The following VPS35L variants were observed in gnomAD, a reference collection of about 807,000 sequenced individuals.
VPS35L encodes the protein VPS35 endosomal protein-sorting factor-like.
A neutral mutation model predicts 133.0 loss-of-function variants in VPS35L; 83 were observed. The observed-to-expected ratio is 0.62, with a 90% confidence interval of 0.52 to 0.75. The LOEUF is 0.75. Among genes scored for constraint, VPS35L ranks in the 30% least tolerant of loss-of-function variants. VPS35L has a pLI of 0.00. For missense variants in VPS35L, 1,083 were observed against 1,206.8 expected (o/e 0.90, Z 1.52); for synonymous variants, 423 against 449.9 (o/e 0.94, Z 0.76).
At chr16:19,682,818 C>T (rs1400332765) in intron 28 of VPS35L, among the ~76,000 whole-genome samples, 1 of 152,192 alleles carries the variant, frequency 6.6e-6, no homozygotes, top group Admixed American at 6.5e-5. Context: ...GCCAAGATGG[C>T]ACCACTGTAC....
At chr16:19,657,401 T>C (rs1054024608) in intron 26 of VPS35L, among the ~76,000 whole-genome samples, 1 of 152,208 alleles carries the variant, frequency 6.6e-6, no homozygotes, top group African/African-American at 2.4e-5. Context: ...GTCATGTCTT[T>C]AGAAAAACCA....
intron 26 of VPS35L, among the ~76,000 whole-genome samples, chr16:19,658,623 C>A (rs28582219): frequency 2.0e-5 from 3 of 151,694 alleles, no homozygotes; most frequent in African/African-American, 4.8e-5. Context: ...AGCTCATGCA[C>A]TATGGACATA....
intron 26 of VPS35L, among the ~76,000 whole-genome samples, chr16:19,659,044 T>C (rs1974397576): frequency 6.6e-6 from 1 of 152,208 alleles, no homozygotes; most frequent in Non-Finnish European, 1.5e-5. Flanking sequence ...TTCTATATCA[T>C]AACATAGGGT....
Position 19,627,723 on chromosome 16 carries a change from C to T in VPS35L, c.1301C>T (p.Ala434Val). 1 of 1,613,956 alleles carries T rather than the reference C, an allele frequency of 6.2e-7. No individual in the cohort carries two copies. Among genetic ancestry groups the T allele is most frequent in the South Asian group, 1.1e-5 (1 of 91,078 alleles). ...NALLLNSVMS[A>V]FRAEFIATRS... ...TTGCTGTTGAATTCTGTGATGTCTG[C>T]CTTCCGGGCTGAGTTCATCGCCACA... Residue 434 changes from alanine to valine, a missense_variant, in exon 16 of 31, where the codon GCC (alanine) becomes GTC (valine). Coordinates refer to ENST00000417362, the MANE Select transcript of VPS35L (RefSeq NM_020314.7).
chr16:19,619,395 ATTGT>A (rs1274421474), intron 14 of VPS35L, among the ~76,000 whole-genome samples: 4 of 152,268 alleles, frequency 2.6e-5, no homozygotes, highest in East Asian at 1.9e-4. Flanking sequence ...TAAAGGAAAG[ATTGT>A]TTGAAGTTTT....
chr16:19,660,895 T>C (rs556224306), intron 26 of VPS35L, among the ~76,000 whole-genome samples: 1 of 152,264 alleles, frequency 6.6e-6, no homozygotes, highest in South Asian at 2.1e-4. Flanking sequence ...GAGATAAAAG[T>C]CTCCAATAAT....
At chr16:19,601,572 A>G (rs1972385182) in intron 8 of VPS35L, 92 bp from the exon 9 acceptor site, 4 of 1,288,214 alleles carry the variant, frequency 3.1e-6, no homozygotes, top group South Asian at 1.3e-5. Flanking sequence ...TGTCTGGGCG[A>G]TGATAGCTCT....
Position 19,647,833 on chromosome 16 carries a change from C to T in VPS35L, c.1979C>T (p.Ser660Phe), listed in dbSNP as rs1276642373. 2 of 1,613,932 alleles carry T rather than the reference C, an allele frequency of 1.2e-6. No individual in the cohort carries two copies. The highest frequency in any genetic ancestry group is 2.7e-5 in the African/African-American group (2 of 74,892). ...CAACAGCTGAGTTTTTATGTTGAGT[C>T]CAGGTCGATGTTTTGCAATCTGGAG... is the stretch of plus-strand genomic sequence containing the variant. ...FEQQLSFYVE[S>F]RSMFCNLEPV... is the part of the protein sequence containing the mutation. The change falls in exon 24 of 31, where the codon TCC (serine) becomes TTC (phenylalanine). Residue 660 changes from serine to phenylalanine, a missense_variant. Coordinates refer to ENST00000417362, the MANE Select transcript of VPS35L (RefSeq NM_020314.7).
intron 1 of VPS35L, among the ~76,000 whole-genome samples, chr16:19,558,083 T>G (rs909392881): frequency 6.6e-6 from 1 of 152,080 alleles, no homozygotes; most frequent in South Asian, 2.1e-4. Flanking sequence ...AAAAAAAAGT[T>G]AAAGGGACTG....
rs1336038716 is a variant in VPS35L at position 19,575,086 on chromosome 16, A to G, written c.409-12A>G. 2.5e-6 allele frequency: 4 copies of G among 1,595,552 alleles called. No individual in the cohort carries two copies. The highest frequency in any genetic ancestry group is 3.4e-6 in the Non-Finnish European group (4 of 1,169,184). On this transcript the variant is annotated splice_polypyrimidine_tract_variant and intron_variant, in intron 4 of 30. Transcript: ENST00000417362. ...GATTTTTAAAATATTAATGAATTTT[A>G]TGTCTCTGCAGAATCTGTTTATGGG...
intron 27 of VPS35L, among the ~76,000 whole-genome samples, chr16:19,671,589 CAACATGGTAA>C (rs1199108104): frequency 6.6e-6 from 1 of 151,720 alleles, no homozygotes; most frequent in Non-Finnish European, 1.5e-5. Context: ...CCAGCCTGGC[CAACATGGTAA>C]AACCCCGTCT....
At chr16:19,601,110 G>A (rs1972368815) in intron 8 of VPS35L, among the ~76,000 whole-genome samples, 1 of 152,020 alleles carries the variant, frequency 6.6e-6, no homozygotes, top group South Asian at 2.1e-4. Flanking sequence ...TAAATTTTTT[G>A]TACATACCCT....
chr16:19,648,148 T>C (rs776249668), intron 24 of VPS35L, among the ~76,000 whole-genome samples: 2 of 152,072 alleles, frequency 1.3e-5, no homozygotes, highest in Non-Finnish European at 2.9e-5. Flanking sequence ...TGTTGTTTTT[T>C]GAGAGATGGG....
At chr16:19,652,595 A>G (rs1325228300) in intron 26 of VPS35L, 1 of 157,862 alleles carries the variant, frequency 6.3e-6, no homozygotes, top group African/African-American at 2.4e-5. Flanking sequence ...ATAGAGTCAG[A>G]CAGATCATAG....
intron 14 of VPS35L, among the ~76,000 whole-genome samples, chr16:19,623,462 G>A (rs1176870682): frequency 6.6e-6 from 1 of 152,108 alleles, no homozygotes; most frequent in Non-Finnish European, 1.5e-5. Flanking sequence ...ACCTAGAATA[G>A]TGATATTAGG....
In VPS35L at chr16:19,700,364, C is replaced by CTT; in HGVS notation, c.2794-10_2794-9dup. The CTT allele has an allele frequency of 6.2e-7, 1 of 1,607,194 alleles. No homozygotes were observed. Among genetic ancestry groups the CTT allele is most frequent in the Middle Eastern group, 1.7e-4 (1 of 6,048 alleles). ...TGAACCAGAAAGGAGATGGATCTTT[C>CTT]TTTTTCCTCATAGGTGAAAACGCTA... On this transcript the variant is annotated splice_polypyrimidine_tract_variant and intron_variant, in intron 30 of 30. Coordinates refer to ENST00000417362, the MANE Select transcript of VPS35L (RefSeq NM_020314.7).
chr16:19,607,078 T>A (rs1308423634), intron 9 of VPS35L, among the ~76,000 whole-genome samples: 1 of 152,268 alleles, frequency 6.6e-6, no homozygotes, highest in Non-Finnish European at 1.5e-5. Flanking sequence ...GTAAGTTTTG[T>A]GTTTTTTCTT....
intron 2 of VPS35L, among the ~76,000 whole-genome samples, chr16:19,568,880 A>T (rs868158985): frequency 6.6e-6 from 1 of 152,250 alleles, no homozygotes; most frequent in African/African-American, 2.4e-5. Context: ...TCCTGGCTTC[A>T]AGTGATCCTT....
intron 12 of VPS35L, among the ~76,000 whole-genome samples, chr16:19,610,757 A>G (rs1972690536): frequency 6.6e-6 from 1 of 152,018 alleles, no homozygotes; most frequent in Non-Finnish European, 1.5e-5. Context: ...TTGACTTCAA[A>G]CATGCTCTTC....
Sources: gnomAD v4.1 joint callset for allele counts (sites outside exome capture counted in the v4.1 genomes callset) on GRCh38, gnomAD v4.1.1 for gene constraint, MANE v1.5 for transcripts, NCBI Gene and HGNC (gene_info 2026-07-23, HGNC 2026-07-21) for gene names.